MFSD11: variants seen among roughly 807,000 people sequenced by gnomAD.
The protein encoded by MFSD11 is major facilitator superfamily domain containing 11, also known as UNC93-like protein MFSD11.
Under a neutral mutation model 53.5 loss-of-function variants are expected in MFSD11, and 36 were observed. That is an observed-to-expected ratio of 0.67 (90% confidence interval 0.52 to 0.89). The LOEUF is 0.89. Among genes scored for constraint, MFSD11 ranks in the 40% least tolerant of loss-of-function variants. The pLI, the probability that MFSD11 is intolerant of heterozygous loss-of-function variation, is 0.00. For missense variants in MFSD11, 530 were observed against 543.9 expected (o/e 0.97, Z 0.25); for synonymous variants, 186 against 184.9 (o/e 1.01, Z -0.05).
At position 76,776,998 on chromosome 17, in the gene MFSD11, C is replaced by T. The variant is rs572808803; in HGVS notation, c.1185+457C>T. ...TTTTAAAGACAAAGTCGGCCCGCCG[C>T]GGCTCACACTTGTAATCCCAGCACT... On this transcript the variant is annotated intron_variant, in intron 12 of 12. Coordinates refer to ENST00000685175, the MANE Select transcript of MFSD11 (RefSeq NM_001242532.5). The surrounding 1 kb of genome is among the most constrained non-coding windows in gnomAD (Gnocchi z 4.2). Among the ~76,000 whole-genome samples the T allele has an allele frequency of 2.1e-4, 32 of 151,870 alleles. No homozygotes were observed. The highest frequency in any genetic ancestry group is 3.5e-4 in the Non-Finnish European group (24 of 67,920).
chr17:76,740,603 C>CTT (rs10635263), intron 2 of MFSD11, among the ~76,000 whole-genome samples: 8,440 of 152,148 alleles, frequency 0.055, 723 homozygotes, highest in African/African-American at 0.19. Context: ...TTTCCTTTTT[C>CTT]TTTTCTTTCA....
the MFSD11 span, among the ~76,000 whole-genome samples, chr17:76,790,559 C>A: frequency 4.1e-5 from 6 of 147,450 alleles, no homozygotes; most frequent in Non-Finnish European, 9.0e-5. Context: ...CTCAAGCAAT[C>A]CACCTGCTTC....
In MFSD11 at chr17:76,774,859, C is replaced by T; in HGVS notation, c.875-138C>T. 2.2e-5 allele frequency: 17 copies of T among 762,458 alleles called. No homozygotes were observed. The South Asian group carries it at 3.1e-4, about 14-fold the overall frequency. 47.2% of individuals were successfully genotyped at this position (762,458 alleles called of 1,614,324 possible). A position where few individuals can be genotyped will look rare whatever the true frequency, so the allele number is the denominator to read the frequency against. On this transcript the variant is annotated intron_variant, in intron 10 of 12. Coordinates refer to ENST00000685175, the MANE Select transcript of MFSD11 (RefSeq NM_001242532.5). Reference sequence around the variant, plus strand: ...GCTTGGTCATCATTATCATTGTCTGCAAGTGCTGAGGTGTTGGGTTTTTTG... The same window carrying T: ...GCTTGGTCATCATTATCATTGTCTGTAAGTGCTGAGGTGTTGGGTTTTTTG...
the MFSD11 span, among the ~76,000 whole-genome samples, chr17:76,789,152 AAAAT>A: frequency 1.3e-5 from 2 of 150,122 alleles, no homozygotes; most frequent in African/African-American, 4.9e-5. Flanking sequence ...AAAAAAATAA[AAAAT>A]AAAAAAGTTT....
At chr17:76,792,107 C>T in the MFSD11 span, among the ~76,000 whole-genome samples, 2 of 141,814 alleles carry the variant, frequency 1.4e-5, 1 homozygote, top group South Asian at 4.6e-4. Flanking sequence ...TGAGTGCTTA[C>T]CTACATACCA....
Position 76,743,533 on chromosome 17 carries a change from T to C in MFSD11, c.496+77T>C, listed in dbSNP as rs563778940. ...GTTATATAGAAATACCCATTATTGCTTTATTCAAGCATCGTTCTCATGAAC... is the reference window on the plus strand; with the variant it reads ...GTTATATAGAAATACCCATTATTGCCTTATTCAAGCATCGTTCTCATGAAC... On this transcript the variant is annotated intron_variant, in intron 6 of 12. Coordinates refer to ENST00000685175, the MANE Select transcript of MFSD11 (RefSeq NM_001242532.5). 3.3e-6 allele frequency: 3 copies of C among 908,424 alleles called. No homozygotes were observed. In the African/African-American group the frequency reaches 5.2e-5, roughly 16 times the overall value. The allele number at this position is 908,424 out of a possible 1,614,324, so 56.3% of individuals were successfully genotyped here. A position where few individuals can be genotyped will look rare whatever the true frequency, so the allele number is the denominator to read the frequency against.
intron 8 of MFSD11, among the ~76,000 whole-genome samples, chr17:76,755,228 T>A (rs1393323539): frequency 6.6e-6 from 1 of 150,816 alleles, no homozygotes; most frequent in Admixed American, 6.6e-5. Context: ...AAAAAAAAAA[T>A]TAAATAATTT....
chr17:76,778,120 C>A, intron 12 of MFSD11, 68 bp from the exon 13 acceptor site: 1 of 1,544,850 alleles, frequency 6.5e-7, no homozygotes, highest in Admixed American at 1.7e-5. Flanking sequence ...AGGAGTGGGG[C>A]TAGGGGCTAA....
chr17:76,745,069 A>G (rs1238592430), intron 7 of MFSD11, among the ~76,000 whole-genome samples: 1 of 152,246 alleles, frequency 6.6e-6, no homozygotes, highest in Non-Finnish European at 1.5e-5. Context: ...AGGTGACACT[A>G]TTTAAGCATG....
the MFSD11 span, among the ~76,000 whole-genome samples, chr17:76,792,064 A>G: frequency 2.0e-5 from 3 of 147,492 alleles, 1 homozygote; most frequent in African/African-American, 7.6e-5. Context: ...TCCAAAGCGA[A>G]TTTTCTCTGC....
rs562979371 is a variant in MFSD11, at chr17:76,760,547, G to A, written c.682+6460G>A. Among the ~76,000 whole-genome samples, 6 of 151,466 alleles carry A rather than the reference G, an allele frequency of 4.0e-5. No homozygotes were observed. The South Asian group carries it at 8.3e-4, about 21-fold the overall frequency. ...TCTTTCTTTTTTTTTTTTAAACGGA[G>A]TGTCGGGAGTTTCGCTCTTGTCACC... On this transcript the variant is annotated intron_variant, in intron 8 of 12. Coordinates refer to ENST00000685175, the MANE Select transcript of MFSD11 (RefSeq NM_001242532.5).
chr17:76,774,885 A>C lies in MFSD11; in HGVS notation c.875-112A>C, dbSNP rs543093379. 7.8e-5 allele frequency: 88 copies of C among 1,127,862 alleles called. No homozygotes were observed. In the African/African-American group the frequency reaches 1.3e-3, roughly 17 times the overall value. The allele number at this position is 1,127,862 out of a possible 1,614,324, so 69.9% of individuals were successfully genotyped here. A position where few individuals can be genotyped will look rare whatever the true frequency, so the allele number is the denominator to read the frequency against. On this transcript the variant is annotated intron_variant, in intron 10 of 12. Coordinates refer to ENST00000685175, the MANE Select transcript of MFSD11 (RefSeq NM_001242532.5). ...AAGTGCTGAGGTGTTGGGTTTTTTGAAGAAATTTAACAAGTGAGAATGTTT... is the reference window on the plus strand; with the variant it reads ...AAGTGCTGAGGTGTTGGGTTTTTTGCAGAAATTTAACAAGTGAGAATGTTT...
chr17:76,771,424 G>A (rs774806934), intron 10 of MFSD11, among the ~76,000 whole-genome samples: 1 of 152,200 alleles, frequency 6.6e-6, no homozygotes, highest in Non-Finnish European at 1.5e-5. Flanking sequence ...TGAATATTGT[G>A]TTAGATATGA....
chr17:76,800,617 A>G, the MFSD11 span, among the ~76,000 whole-genome samples: 4 of 152,094 alleles, frequency 2.6e-5, no homozygotes, highest in South Asian at 2.1e-4. Context: ...ATGGTACATT[A>G]TTATTTGTTG....
At chr17:76,798,760 G>C in the MFSD11 span, among the ~76,000 whole-genome samples, 1 of 152,144 alleles carries the variant, frequency 6.6e-6, no homozygotes, top group Non-Finnish European at 1.5e-5. Context: ...GGGCATGGTG[G>C]CTCATGCCTG....
At chr17:76,784,264 A>G (rs78151685), downstream of MFSD11, among the ~76,000 whole-genome samples, 13,968 of 152,214 alleles carry the variant, frequency 0.092, 2,127 homozygotes, top group African/African-American at 0.32. Context: ...GGCCAGGCAC[A>G]GTGGCTCAAG....
At chr17:76,747,775 C>A (rs183773098) in intron 7 of MFSD11, among the ~76,000 whole-genome samples, 1 of 152,160 alleles carries the variant, frequency 6.6e-6, no homozygotes, top group Non-Finnish European at 1.5e-5. Flanking sequence ...TGCCGCCCAT[C>A]CCTGTTTTTA....
chr17:76,756,928 A>G (rs1052100397), intron 8 of MFSD11, among the ~76,000 whole-genome samples: 2 of 152,126 alleles, frequency 1.3e-5, no homozygotes, highest in Non-Finnish European at 2.9e-5. Flanking sequence ...ACTCAAGCTA[A>G]ACTCATAGAA....
At chr17:76,787,190 C>T in the MFSD11 span, among the ~76,000 whole-genome samples, 3 of 142,886 alleles carry the variant, frequency 2.1e-5, no homozygotes, top group South Asian at 4.4e-4. Flanking sequence ...GGCTGGAGTG[C>T]GGTGGTGTGA....
Sources: allele counts gnomAD v4.1 joint callset (sites outside exome capture counted in the v4.1 genomes callset), GRCh38; gene constraint gnomAD v4.1.1; non-coding constraint Gnocchi (gnomAD v3.1); transcripts MANE v1.5; gene names NCBI Gene and HGNC (gene_info 2026-07-23, HGNC 2026-07-21).